ANK3: variants seen among roughly 807,000 people sequenced by gnomAD.
The protein encoded by ANK3 is ankyrin 3.
In ANK3, 57 loss-of-function variants were observed where a neutral mutation model predicts 370.9. That is an observed-to-expected ratio of 0.15 (90% CI 0.12 to 0.19). The LOEUF is 0.19. Ranked by LOEUF, ANK3 falls within the 10% of genes least tolerant of loss-of-function variation. The pLI, the probability that ANK3 is intolerant of heterozygous loss-of-function variation, is 1.00. For synonymous variants in ANK3, 1,929 were observed against 1,946.3 expected, an observed-to-expected ratio of 0.99 and a Z score of 0.23; for missense variants, 4,439 against 5,302.1, an observed-to-expected ratio of 0.84 and a Z score of 5.06.
intron 2 of ANK3, among the ~76,000 whole-genome samples, chr10:60,584,397 T>C (rs953343421): frequency 6.6e-6 from 1 of 152,072 alleles, no homozygotes; most frequent in South Asian, 2.1e-4. Flanking sequence ...GGCAAAAGGA[T>C]TGCTTGAAGC....
intron 23 of ANK3, among the ~76,000 whole-genome samples, chr10:60,160,982 G>C (rs2095484486): frequency 6.6e-6 from 1 of 152,136 alleles, no homozygotes; most frequent in African/African-American, 2.4e-5. Context: ...TCTGGAGCAA[G>C]ACCAGGACAC....
At chr10:60,213,335 A>T (rs961262417) in intron 9 of ANK3, 77 bp downstream of exon 9, 14 of 954,254 alleles carry the variant, frequency 1.5e-5, no homozygotes, top group Admixed American at 2.1e-5. Context: ...GTCATTTTCT[A>T]TGTGATTCAA....
chr10:60,227,886 C>A (rs1297501850), intron 8 of ANK3, among the ~76,000 whole-genome samples: 3 of 152,064 alleles, frequency 2.0e-5, no homozygotes, highest in African/African-American at 7.2e-5. Context: ...TATTATCTAA[C>A]TTTTCTTTTG....
At chr10:60,562,677 A>T (rs1408287481) in intron 2 of ANK3, among the ~76,000 whole-genome samples, 1 of 152,218 alleles carries the variant, frequency 6.6e-6, no homozygotes, top group Non-Finnish European at 1.5e-5. Context: ...TCAGAGACAA[A>T]GGTTGTAAAA....
chr10:60,136,065 G>A (rs1156601376), intron 24 of ANK3, among the ~76,000 whole-genome samples: 1 of 151,586 alleles, frequency 6.6e-6, no homozygotes, highest in Non-Finnish European at 1.5e-5. Context: ...GGCCCTCTGT[G>A]CCCAATCATG....
intron 2 of ANK3, among the ~76,000 whole-genome samples, chr10:60,427,866 A>G (rs1430581450): frequency 1.3e-5 from 2 of 152,152 alleles, no homozygotes; most frequent in Non-Finnish European, 2.9e-5. Flanking sequence ...CTGACAATGC[A>G]CTGAACAGAT....
At chr10:60,036,171 T>C (rs1311703554) in intron 43 of ANK3, among the ~76,000 whole-genome samples, 1 of 152,110 alleles carries the variant, frequency 6.6e-6, no homozygotes, top group Non-Finnish European at 1.5e-5. Context: ...TGTGAAATAG[T>C]GGAAACTTTT....
At chr10:60,683,970 G>A (rs969104175) in intron 1 of ANK3, among the ~76,000 whole-genome samples, 6 of 152,182 alleles carry the variant, frequency 3.9e-5, no homozygotes, top group Non-Finnish European at 7.4e-5. Context: ...TAAAACTCAT[G>A]GAAATACCGT....
chr10:60,176,205 A>C lies in ANK3; in HGVS notation c.2185-3019T>G, dbSNP rs572167805. 2.3e-3 allele frequency among the ~76,000 whole-genome samples: 350 copies of C among 150,416 alleles called. 2 individuals carry two copies. Among genetic ancestry groups the C allele is most frequent in the Non-Finnish European group, 4.0e-3 (270 of 67,622 alleles). ...AAAAAAAAAAAAAAAACAAAAAAAAACAAAAAACAATTAGCCGGGCGTGGT... is the reference window on the plus strand; with the variant it reads ...AAAAAAAAAAAAAAAACAAAAAAAACCAAAAAACAATTAGCCGGGCGTGGT... On this transcript the variant is annotated intron_variant, in intron 18 of 43. Coordinates refer to ENST00000280772, the MANE Select transcript of ANK3 (RefSeq NM_020987.5).
intron 1 of ANK3, among the ~76,000 whole-genome samples, chr10:60,352,766 TCTATTTCTA>T (rs1464400617): frequency 6.6e-6 from 1 of 152,234 alleles, no homozygotes; most frequent in African/African-American, 2.4e-5. Context: ...CATTTACTTT[TCTATTTCTA>T]CTTAGAAACT....
At chr10:60,299,889 A>G (rs987689379) in intron 1 of ANK3, among the ~76,000 whole-genome samples, 2 of 152,172 alleles carry the variant, frequency 1.3e-5, no homozygotes, top group Non-Finnish European at 2.9e-5. Flanking sequence ...TTTCTCCCCA[A>G]CTGTAAAATT....
intron 1 of ANK3, among the ~76,000 whole-genome samples, chr10:60,292,290 C>T (rs977451726): frequency 6.6e-6 from 1 of 151,972 alleles, no homozygotes; most frequent in Non-Finnish European, 1.5e-5. Context: ...GAAACCTCCT[C>T]TGTGTTTGAA....
intron 2 of ANK3, among the ~76,000 whole-genome samples, chr10:60,401,862 T>A (rs1230325258): frequency 6.6e-6 from 1 of 152,218 alleles, no homozygotes; most frequent in African/African-American, 2.4e-5. Flanking sequence ...TAGGATAAAT[T>A]TCTGGAGGTA....
At chr10:60,611,431 T>G (rs2080817599) in intron 2 of ANK3, among the ~76,000 whole-genome samples, 1 of 152,178 alleles carries the variant, frequency 6.6e-6, no homozygotes. Flanking sequence ...CAGGGCAGCC[T>G]CGCACTGGAA....
chr10:60,563,298 C>T (rs1260400079), intron 2 of ANK3, among the ~76,000 whole-genome samples: 1 of 152,096 alleles, frequency 6.6e-6, no homozygotes, highest in Non-Finnish European at 1.5e-5. Context: ...TTACAGAGCA[C>T]CACTTTATCT....
intron 23 of ANK3, chr10:60,140,854 G>A: frequency 1.0e-6 from 1 of 989,706 alleles, no homozygotes; most frequent in Non-Finnish European, 1.2e-6. Flanking sequence ...TTCATGTAGG[G>A]AGAGAGCGAA....
rs61732397 is a variant in ANK3 at position 60,073,145 on chromosome 10, C to T, written c.7736G>A (p.Arg2579Lys). The T allele has an allele frequency of 5.6e-4, 897 of 1,614,120 alleles. 1 individual carries two copies. Among genetic ancestry groups the T allele is most frequent in the Non-Finnish European group, 6.9e-4 (809 of 1,180,012 alleles). Residue 2579 changes from arginine (R) to lysine (K), a missense_variant, in exon 37 of 44, where the codon AGG (arginine) becomes AAG (lysine). Coordinates refer to ENST00000280772, the MANE Select transcript of ANK3 (RefSeq NM_020987.5). The part of the protein sequence containing the change: ...EKLIYEDRVD[R>K]TVKEAEEKLT... ...TTTTTCTTCAGCCTCCTTCACAGTC[C>T]TGTCCACCCTATCTTCATATATCAA...
chr10:60,470,204 A>G (rs1430849850), intron 2 of ANK3, among the ~76,000 whole-genome samples: 1 of 152,146 alleles, frequency 6.6e-6, no homozygotes, highest in Non-Finnish European at 1.5e-5. Context: ...TTACAATATC[A>G]CAGGGGAAAT....
intron 4 of ANK3, 24 bp from the exon 5 acceptor site, chr10:60,270,253 T>A: frequency 4.6e-6 from 7 of 1,526,100 alleles, no homozygotes; most frequent in Non-Finnish European, 6.2e-6. Flanking sequence ...AAAAAAATGT[T>A]TGTCTGCAGC....
Sources: gnomAD v4.1 joint callset for allele counts (sites outside exome capture counted in the v4.1 genomes callset) on GRCh38, gnomAD v4.1.1 for gene constraint, MANE v1.5 for transcripts, NCBI Gene and HGNC (gene_info 2026-07-23, HGNC 2026-07-21) for gene names.